OOSP1: variants seen among roughly 807,000 people sequenced by gnomAD.
OOSP1 encodes putative oocyte-secreted protein 1 homolog.
Under a neutral mutation model 5.7 loss-of-function variants are expected in OOSP1, and 11 were observed. The ratio of observed to expected loss-of-function variants is 1.94; its 90% CI spans 1.22 to 3.20. The LOEUF is 3.20. Among genes scored for constraint, OOSP1 ranks in the 30% most tolerant of loss-of-function variants. OOSP1 has a pLI of 0.00. For missense variants in OOSP1, 83 were observed against 54.1 expected, an observed-to-expected ratio of 1.53 and a Z score of -1.67; for synonymous variants, 44 against 20.0, an observed-to-expected ratio of 2.20 and a Z score of -3.20.
At chr11:59,947,310 G>C (rs1853894654) in intron 3 of OOSP1, among the ~76,000 whole-genome samples, 1 of 151,846 alleles carries the variant, frequency 6.6e-6, no homozygotes, top group Non-Finnish European at 1.5e-5. Context: ...TTTTTAAGTG[G>C]TTGAGCCTCC....
At chr11:59,939,640 CCTTTCTCTTCCTCTT>C (rs1418806966) in intron 1 of OOSP1, among the ~76,000 whole-genome samples, 34 of 148,390 alleles carry the variant, frequency 2.3e-4, no homozygotes, top group African/African-American at 6.0e-4. Context: ...ATTACTCTTC[CCTTTCTCTTCCTCTT>C]CTTTCTCTTC....
At chr11:59,956,345 G>A (rs1382871193) in intron 4 of OOSP1, among the ~76,000 whole-genome samples, 1 of 152,052 alleles carries the variant, frequency 6.6e-6, no homozygotes, top group Non-Finnish European at 1.5e-5. Context: ...CACGTGAGTG[G>A]CAGGGCTGCC....
At chr11:59,939,733 TTC>T (rs1171075203) in intron 1 of OOSP1, among the ~76,000 whole-genome samples, 2 of 151,908 alleles carry the variant, frequency 1.3e-5, no homozygotes, top group South Asian at 2.1e-4. Context: ...TCTCTTCTTT[TTC>T]TCTTTTTTCT....
At chr11:59,941,638 A>C (rs1441161845) in intron 1 of OOSP1, among the ~76,000 whole-genome samples, 2 of 152,100 alleles carry the variant, frequency 1.3e-5, no homozygotes, top group Non-Finnish European at 2.9e-5. Context: ...TCGCCCTCCT[A>C]AAGTGCTGGG....
At chr11:59,948,439 T>G (rs1036529471) in intron 4 of OOSP1, among the ~76,000 whole-genome samples, 6 of 152,182 alleles carry the variant, frequency 3.9e-5, no homozygotes, top group Non-Finnish European at 5.9e-5. Context: ...ACCTAGAACA[T>G]TTGGGATGTA....
chr11:59,954,629 T>TTATCTATCTATC (rs55633618), intron 4 of OOSP1, among the ~76,000 whole-genome samples: 6,400 of 148,316 alleles, frequency 0.043, 158 homozygotes, highest in Admixed American at 0.055. Flanking sequence ...TGAAGGGACT[T>TTATCTATCTATC]TATCTATCTA....
chr11:59,952,993 T>C (rs780453090), intron 4 of OOSP1, among the ~76,000 whole-genome samples: 11 of 152,204 alleles, frequency 7.2e-5, no homozygotes, highest in Non-Finnish European at 1.3e-4. Context: ...AATGAAGCTA[T>C]ATTAATACAC....
chr11:59,942,178 A>G (rs1241619138), intron 1 of OOSP1, among the ~76,000 whole-genome samples: 3 of 152,140 alleles, frequency 2.0e-5, no homozygotes, highest in African/African-American at 7.2e-5. Flanking sequence ...CAAAAACAAA[A>G]AAACTCATGC....
At chr11:59,942,975 A>T in exon 2 of OOSP1, 1 of 703,020 alleles carries the variant, frequency 1.4e-6, no homozygotes, top group Non-Finnish European at 2.6e-6. Context: ...TGTTTTGCCA[A>T]ATGTCTACTA....
chr11:59,942,535 T>TA (rs1259915077), intron 1 of OOSP1, among the ~76,000 whole-genome samples: 1 of 152,202 alleles, frequency 6.6e-6, no homozygotes, highest in Non-Finnish European at 1.5e-5. Context: ...ATAATATAGA[T>TA]ATAGTCTTGT....
chr11:59,944,843 G>A (rs923733914), intron 2 of OOSP1, among the ~76,000 whole-genome samples: 9 of 152,158 alleles, frequency 5.9e-5, no homozygotes, highest in East Asian at 1.9e-4. Flanking sequence ...GCCCATGCTC[G>A]CTTTGAATAA....
chr11:59,947,432 C>A (rs1289320930), intron 3 of OOSP1, among the ~76,000 whole-genome samples: 1 of 152,038 alleles, frequency 6.6e-6, no homozygotes, highest in Admixed American at 6.6e-5. Flanking sequence ...ACTATTATGC[C>A]AAATTCAGGA....
At chr11:59,944,695 C>T (rs1378453435) in intron 2 of OOSP1, among the ~76,000 whole-genome samples, 1 of 152,110 alleles carries the variant, frequency 6.6e-6, no homozygotes, top group Non-Finnish European at 1.5e-5. Flanking sequence ...AACTTAATCA[C>T]TATTATTCTT....
intron 1 of OOSP1, among the ~76,000 whole-genome samples, chr11:59,939,720 CTTTCTCTTCTT>C (rs1853805731): frequency 6.6e-6 from 1 of 150,848 alleles, no homozygotes; most frequent in Non-Finnish European, 1.5e-5. Flanking sequence ...TCCTCTTTCT[CTTTCTCTTCTT>C]TTTCTCTTTT....
rs60435750 is a variant in OOSP1 at position 59,951,773 on chromosome 11, GT to G, written c.486+3938del. Among the ~76,000 whole-genome samples, 100 of 57,996 alleles carry G rather than the reference GT, an allele frequency of 1.7e-3. 2 individuals are homozygous for G. Among genetic ancestry groups the G allele is most frequent in the African/African-American group, 5.1e-3 (80 of 15,534 alleles). The allele number at this position is 57,996 out of a possible 152,430, so 38.0% of individuals were successfully genotyped here. A position where few individuals can be genotyped will look rare whatever the true frequency, so the allele number is the denominator to read the frequency against. On this transcript the variant is annotated intron_variant, in intron 4 of 4. Transcript: ENST00000646685. ...CGCCAGGCTAGAGTGCAGTGGCACA[GT>G]TTTTTTTTTTTTTTTTTTTTTTTTT...
chr11:59,945,209 A>G (rs1853868508), exon 3 of OOSP1: 1 of 702,858 alleles, frequency 1.4e-6, no homozygotes, highest in African/African-American at 1.7e-5. Context: ...AAAATCAGGT[A>G]TATCTCAAGA....
At chr11:59,952,937 T>G (rs931791831) in intron 4 of OOSP1, among the ~76,000 whole-genome samples, 1 of 152,186 alleles carries the variant, frequency 6.6e-6, no homozygotes, top group Non-Finnish European at 1.5e-5. Context: ...TAGTTGGCAT[T>G]CTTAGGTAAG....
intron 4 of OOSP1, among the ~76,000 whole-genome samples, chr11:59,952,800 C>T (rs2134574172): frequency 6.6e-6 from 1 of 152,156 alleles, no homozygotes; most frequent in Non-Finnish European, 1.5e-5. Flanking sequence ...CCAAAAAATT[C>T]CTGTTTCTTG....
At chr11:59,939,479 T>C (rs1427379424) in intron 1 of OOSP1, among the ~76,000 whole-genome samples, 2 of 152,138 alleles carry the variant, frequency 1.3e-5, no homozygotes, top group African/African-American at 4.8e-5. Context: ...CTCAAACTCC[T>C]GGCCTCAAGT....
Sources: allele counts gnomAD v4.1 joint callset (sites outside exome capture counted in the v4.1 genomes callset), GRCh38; gene constraint gnomAD v4.1.1; transcripts MANE v1.5; gene names NCBI Gene and HGNC (gene_info 2026-07-23, HGNC 2026-07-21).